Variants in RPH3A observed in about 807,000 individuals in gnomAD.
The protein encoded by RPH3A is rabphilin 3A.
A neutral mutation model predicts 102.2 loss-of-function variants in RPH3A; 48 were observed. The ratio of observed to expected loss-of-function variants is 0.47; its 90% CI spans 0.37 to 0.60. The LOEUF (loss-of-function observed/expected upper bound fraction) is 0.60, where lower values mean the gene tolerates loss of function less well. RPH3A is among the 20% of genes least tolerant of loss of function. The pLI is 0.00. For missense variants in RPH3A, 781 were observed against 910.1 expected, an observed-to-expected ratio of 0.86 and a Z score of 1.83; for synonymous variants, 310 against 324.3, an observed-to-expected ratio of 0.96 and a Z score of 0.47.
intron 1 of RPH3A, among the ~76,000 whole-genome samples, chr12:112,576,849 T>G (rs1396064322): frequency 6.6e-6 from 1 of 151,668 alleles, no homozygotes; most frequent in African/African-American, 2.4e-5. Context: ...AACTTTTTTT[T>G]TTTTTAAATT....
chr12:112,713,971 C>T lies in RPH3A; in HGVS notation c.-139-78172C>T, dbSNP rs115918150. Reference sequence around the variant, plus strand: ...ACCATGGCCAAGTTGCCTAATCTCACGGTGTGCCTCAGTTTCCCCACCTGT... The same window carrying T: ...ACCATGGCCAAGTTGCCTAATCTCATGGTGTGCCTCAGTTTCCCCACCTGT... On this transcript the variant is annotated intron_variant, in intron 1 of 21. Transcript: ENST00000543106. Among the ~76,000 whole-genome samples the T allele has an allele frequency of 2.7e-3, 416 of 152,302 alleles. 4 individuals carry two copies. The highest frequency in any genetic ancestry group is 9.7e-3 in the African/African-American group (404 of 41,566).
chr12:112,881,904 A>G, intron 15 of RPH3A, 58 bp downstream of exon 15: 2 of 1,417,036 alleles, frequency 1.4e-6, no homozygotes, highest in Admixed American at 1.8e-5. Flanking sequence ...GCAGATACCC[A>G]GGGTTCTCAG....
At chr12:112,703,451 G>A (rs1367313219) in intron 1 of RPH3A, among the ~76,000 whole-genome samples, 1 of 152,120 alleles carries the variant, frequency 6.6e-6, no homozygotes, top group African/African-American at 2.4e-5. Context: ...TTCTAGTATA[G>A]AACTGCAGTA....
chr12:112,849,789 C>A (rs2042292060), intron 5 of RPH3A, among the ~76,000 whole-genome samples: 1 of 152,138 alleles, frequency 6.6e-6, no homozygotes, highest in Admixed American at 6.5e-5. Context: ...TGCCTGTGGC[C>A]AAGAGGCTTG....
chr12:112,863,329 T>C (rs532376852), intron 5 of RPH3A, among the ~76,000 whole-genome samples: 2 of 152,254 alleles, frequency 1.3e-5, no homozygotes, highest in South Asian at 2.1e-4. Context: ...TTTGTTGTTG[T>C]TTTTTTGAGA....
At chr12:112,854,402 G>A (rs770858409) in intron 5 of RPH3A, among the ~76,000 whole-genome samples, 3 of 152,234 alleles carry the variant, frequency 2.0e-5, no homozygotes, top group Non-Finnish European at 4.4e-5. Flanking sequence ...TGCCAGCACT[G>A]TGCTCAGAGC....
intron 1 of RPH3A, among the ~76,000 whole-genome samples, chr12:112,684,945 A>T (rs2040252662): frequency 6.6e-6 from 1 of 152,146 alleles, no homozygotes. Context: ...GAAGGGACAA[A>T]CAGGCTCCCT....
At chr12:112,646,210 T>C (rs1303012205) in intron 1 of RPH3A, among the ~76,000 whole-genome samples, 1 of 152,074 alleles carries the variant, frequency 6.6e-6, no homozygotes. Flanking sequence ...TAAAGAAAAA[T>C]TTATTATCAT....
chr12:112,703,852 T>G (rs750731323), intron 1 of RPH3A, among the ~76,000 whole-genome samples: 5 of 152,220 alleles, frequency 3.3e-5, no homozygotes, highest in Admixed American at 6.5e-5. Context: ...CGCCCTACTA[T>G]TAAACCTCAT....
chr12:112,763,111 T>C (rs4767006), intron 1 of RPH3A, among the ~76,000 whole-genome samples: 4,832 of 152,310 alleles, frequency 0.032, 151 homozygotes, highest in Admixed American at 0.11. Flanking sequence ...AACCATATAC[T>C]GTCGTGCTAT....
chr12:112,857,940 G>A (rs563832220), intron 5 of RPH3A, among the ~76,000 whole-genome samples: 2 of 152,236 alleles, frequency 1.3e-5, no homozygotes, highest in Admixed American at 6.5e-5. Context: ...ACTGCACTGA[G>A]CCTCCCAAGG....
At chr12:112,796,219 C>T (rs937315947) in intron 2 of RPH3A, among the ~76,000 whole-genome samples, 4 of 152,182 alleles carry the variant, frequency 2.6e-5, no homozygotes, top group African/African-American at 9.7e-5. Flanking sequence ...CACTGGTGAC[C>T]ACTCAGTCTT....
intron 4 of RPH3A, among the ~76,000 whole-genome samples, chr12:112,847,207 G>C (rs574119883): frequency 2.0e-5 from 3 of 152,280 alleles, no homozygotes; most frequent in East Asian, 1.9e-4. Context: ...AACCCAAAAT[G>C]TTACCAGAGA....
chr12:112,590,969 A>G (rs1287408777), intron 1 of RPH3A, among the ~76,000 whole-genome samples: 2 of 152,114 alleles, frequency 1.3e-5, no homozygotes, highest in Non-Finnish European at 2.9e-5. Flanking sequence ...TAATTTTAAA[A>G]AAGTGTTTTT....
intron 17 of RPH3A, 67 bp from the exon 18 acceptor site, chr12:112,889,957 G>T: frequency 6.9e-7 from 1 of 1,455,050 alleles, no homozygotes; most frequent in Non-Finnish European, 9.6e-7. Flanking sequence ...GGGGTTTCTG[G>T]TCCTTCTTGC....
At chr12:112,644,164 A>T (rs2039910655) in intron 1 of RPH3A, among the ~76,000 whole-genome samples, 1 of 152,188 alleles carries the variant, frequency 6.6e-6, no homozygotes, top group Non-Finnish European at 1.5e-5. Flanking sequence ...TGTGGAAGGG[A>T]GCTGAAGTAT....
At chr12:112,590,169 A>G (rs1212240805) in intron 1 of RPH3A, among the ~76,000 whole-genome samples, 1 of 152,084 alleles carries the variant, frequency 6.6e-6, no homozygotes, top group African/African-American at 2.4e-5. Context: ...TTTCATTTAC[A>G]TGACACTGAT....
chr12:112,774,887 T>G (rs954971558), intron 1 of RPH3A, among the ~76,000 whole-genome samples: 17 of 151,986 alleles, frequency 1.1e-4, no homozygotes, highest in Admixed American at 3.9e-4. Context: ...TGGGATGATC[T>G]GTGCAGCAAA....
At chr12:112,621,705 C>T (rs1450046155) in intron 1 of RPH3A, among the ~76,000 whole-genome samples, 1 of 152,086 alleles carries the variant, frequency 6.6e-6, no homozygotes, top group Non-Finnish European at 1.5e-5. Flanking sequence ...TGGAGCCCAC[C>T]ACAGTTCAAG....
Sources: allele counts gnomAD v4.1 joint callset (sites outside exome capture counted in the v4.1 genomes callset), GRCh38; gene constraint gnomAD v4.1.1; transcripts MANE v1.5; gene names NCBI Gene and HGNC (gene_info 2026-07-23, HGNC 2026-07-21).